The following LRRC18 variants were observed in gnomAD, a reference collection of about 807,000 sequenced individuals.
LRRC18 encodes leucine-rich repeat-containing protein 18.
LRRC18 carries 12 observed loss-of-function variants against 11.2 expected under a neutral mutation model. The ratio of observed to expected loss-of-function variants is 1.07; its 90% CI spans 0.69 to 1.74. LRRC18 has a LOEUF of 1.74. LRRC18 is among the 40% of genes most tolerant of loss of function. LRRC18 has a pLI of 0.00. For missense variants in LRRC18, 374 were observed against 330.5 expected (o/e 1.13, Z -1.02); for synonymous variants, 155 against 130.6 (o/e 1.19, Z -1.27).
intron 1 of LRRC18, among the ~76,000 whole-genome samples, chr10:48,913,177 G>A (rs1838163300): frequency 6.6e-6 from 1 of 152,188 alleles, no homozygotes; most frequent in Non-Finnish European, 1.5e-5. Context: ...GAGTGTGTGT[G>A]CAGAGGACAG....
the LRRC18 span, among the ~76,000 whole-genome samples, chr10:48,926,877 C>T: frequency 3.3e-5 from 5 of 152,320 alleles, no homozygotes; most frequent in African/African-American, 9.6e-5. Flanking sequence ...GAGGCAGGAA[C>T]TCGTTGTTTC....
At chr10:48,920,012 G>A in the LRRC18 span, among the ~76,000 whole-genome samples, 2 of 151,910 alleles carry the variant, frequency 1.3e-5, no homozygotes, top group African/African-American at 4.8e-5. Flanking sequence ...CCTCAACATA[G>A]TATTAGCAAA....
At chr10:48,933,315 A>G in the LRRC18 span, among the ~76,000 whole-genome samples, 14 of 152,254 alleles carry the variant, frequency 9.2e-5, no homozygotes, top group East Asian at 2.5e-3. Flanking sequence ...CATTTAATCT[A>G]GTCACTCCAC....
the LRRC18 span, among the ~76,000 whole-genome samples, chr10:48,937,649 T>G: frequency 1.1e-4 from 17 of 152,334 alleles, no homozygotes; most frequent in Admixed American, 6.5e-4. Flanking sequence ...CAATTAAGTG[T>G]TATTATTAGG....
chr10:48,909,504 T>C (rs1837815525), exon 2 of LRRC18: 2 of 152,136 alleles, frequency 1.3e-5, no homozygotes, highest in South Asian at 4.1e-4. Flanking sequence ...AAGAAGTTTA[T>C]TTGAGTCATG....
At chr10:48,913,652 C>T (rs767039473) in exon 1 of LRRC18, 1 of 1,613,796 alleles carries the variant, frequency 6.2e-7, no homozygotes, top group Non-Finnish European at 8.5e-7. Context: ...GCTTTTTCAG[C>T]TTGGGGAGCT....
the LRRC18 span, among the ~76,000 whole-genome samples, chr10:48,931,934 C>G: frequency 6.6e-6 from 1 of 152,178 alleles, no homozygotes; most frequent in Admixed American, 6.5e-5. Context: ...ATAGGATGGC[C>G]ACCCACATGT....
intron 1 of LRRC18, 23 bp downstream of exon 3, chr10:48,913,369 C>G: frequency 4.4e-6 from 7 of 1,599,958 alleles, no homozygotes; most frequent in Non-Finnish European, 6.0e-6. Context: ...TCCCTTCTGC[C>G]TCAGGGTCAG....
At chr10:48,933,053 A>G in the LRRC18 span, among the ~76,000 whole-genome samples, 1 of 152,152 alleles carries the variant, frequency 6.6e-6, no homozygotes, top group Non-Finnish European at 1.5e-5. Context: ...AAGGAGAGTG[A>G]TGGAGACAGG....
chr10:48,933,453 G>A, the LRRC18 span, among the ~76,000 whole-genome samples: 4 of 152,204 alleles, frequency 2.6e-5, no homozygotes, highest in Non-Finnish European at 5.9e-5. Flanking sequence ...GCTTTACAAT[G>A]TCAGATGGCT....
At chr10:48,911,017 G>T (rs1054906642) in intron 1 of LRRC18, 2 of 478,632 alleles carry the variant, frequency 4.2e-6, no homozygotes, top group Non-Finnish European at 5.4e-6. Context: ...TCATCATGTA[G>T]CTATCCGGCA....
exon 2 of LRRC18, chr10:48,909,921 A>G: frequency 3.0e-6 from 1 of 335,690 alleles, no homozygotes; most frequent in Admixed American, 4.3e-5. Context: ...TAGAGGCAGT[A>G]AGCCTTTTAA....
chr10:48,920,246 C>T, the LRRC18 span, among the ~76,000 whole-genome samples: 6 of 151,958 alleles, frequency 3.9e-5, no homozygotes, highest in African/African-American at 1.5e-4. Context: ...TAAAGGACGT[C>T]CACAAAAAAG....
chr10:48,918,740 T>C (rs1051435262), upstream of LRRC18, among the ~76,000 whole-genome samples: 4 of 133,262 alleles, frequency 3.0e-5, no homozygotes, highest in Non-Finnish European at 6.9e-5. Context: ...TAATTATTTG[T>C]TGTCAGCAGG....
the LRRC18 span, among the ~76,000 whole-genome samples, chr10:48,925,683 C>T: frequency 6.6e-6 from 1 of 152,144 alleles, no homozygotes; most frequent in Non-Finnish European, 1.5e-5. Flanking sequence ...AGTAGCTCCA[C>T]CACACTCTGA....
the LRRC18 span, among the ~76,000 whole-genome samples, chr10:48,936,862 G>C: frequency 0.022 from 3,228 of 147,974 alleles, 71 homozygotes; most frequent in South Asian, 0.1. Flanking sequence ...GAAAAAAAAA[G>C]AAAATTAAAA....
chr10:48,913,910 G>T (rs1454548230), exon 1 of LRRC18: 19 of 1,614,042 alleles, frequency 1.2e-5, no homozygotes, highest in Non-Finnish European at 1.5e-5. Context: ...CTATGTAGTT[G>T]CTGTGCAGGT....
At chr10:48,925,327 G>A in the LRRC18 span, among the ~76,000 whole-genome samples, 1 of 152,128 alleles carries the variant, frequency 6.6e-6, no homozygotes, top group African/African-American at 2.4e-5. Flanking sequence ...TGAAGTCCAT[G>A]GGAGGTGGAG....
chr10:48,917,835 G>T (rs1223053142), upstream of LRRC18, among the ~76,000 whole-genome samples: 1 of 152,192 alleles, frequency 6.6e-6, no homozygotes, highest in African/African-American at 2.4e-5. Context: ...AGTAAATGTG[G>T]AGTATTTTTC....
Sources: allele counts gnomAD v4.1 joint callset (sites outside exome capture counted in the v4.1 genomes callset), GRCh38; gene constraint gnomAD v4.1.1; transcripts MANE v1.5; gene names NCBI Gene and HGNC (gene_info 2026-07-23, HGNC 2026-07-21).